The following PPFIA1 variants were observed in gnomAD, a reference collection of about 807,000 sequenced individuals.
The protein encoded by PPFIA1 is PPFI scaffold protein A1, also known as liprin-alpha-1.
In PPFIA1, 25 loss-of-function variants were observed where a neutral mutation model predicts 149.9. The observed-to-expected ratio is 0.17, with a 90% confidence interval of 0.12 to 0.23. The LOEUF is 0.23. Ranked by LOEUF, PPFIA1 falls within the 10% of genes least tolerant of loss-of-function variation. PPFIA1 has a pLI of 1.00. For missense variants in PPFIA1, 1,362 were observed against 1,506.5 expected, an observed-to-expected ratio of 0.90 and a Z score of 1.59; for synonymous variants, 549 against 552.8, an observed-to-expected ratio of 0.99 and a Z score of 0.10.
At chr11:70,375,196 A>AAC in intron 24 of PPFIA1, 103 bp downstream of exon 24, 1 of 419,940 alleles carries the variant, frequency 2.4e-6, no homozygotes. Flanking sequence ...AAAAAAAAAA[A>AAC]AAAAAACTTC....
At chr11:70,369,851 G>GT (rs2057136885) in intron 21 of PPFIA1, among the ~76,000 whole-genome samples, 1 of 152,048 alleles carries the variant, frequency 6.6e-6, no homozygotes, top group African/African-American at 2.4e-5. Context: ...TGCCCAGGCT[G>GT]GTCTCAGACA....
Position 70,342,936 on chromosome 11 carries a change from C to CTTTTTTTTTTT in PPFIA1, c.1708-714_1708-704dup, listed in dbSNP as rs71463672. The stretch of plus-strand genomic sequence containing the variant: ...TTGCAGCTATTTTGAAATGTACCAC[C>CTTTTTTTTTTT]TTTTTTTTTTTTTTTTTTTTTTTTT... On this transcript the variant is annotated intron_variant, in intron 14 of 27. Transcript: ENST00000253925. Among the ~76,000 whole-genome samples the CTTTTTTTTTTT allele has an allele frequency of 1.5e-4, 12 of 78,176 alleles. 3 individuals are homozygous for CTTTTTTTTTTT. Among genetic ancestry groups the CTTTTTTTTTTT allele is most frequent in the Non-Finnish European group, 2.6e-4 (11 of 42,084 alleles). The allele number at this position is 78,176 out of a possible 152,430, so 51.3% of individuals were successfully genotyped here. A position where few individuals can be genotyped will look rare whatever the true frequency, so the allele number is the denominator to read the frequency against.
At chr11:70,271,143 G>A (rs2050051814) in intron 1 of PPFIA1, 1 of 151,668 alleles carries the variant, frequency 6.6e-6, no homozygotes, top group South Asian at 2.1e-4. Flanking sequence ...CGAGCCCCGC[G>A]CCCCGTGACC....
At chr11:70,308,151 C>A (rs1041349330) in intron 2 of PPFIA1, among the ~76,000 whole-genome samples, 21 of 152,210 alleles carry the variant, frequency 1.4e-4, no homozygotes, top group African/African-American at 5.1e-4. Flanking sequence ...TGGGATCAAG[C>A]GATTCTCCTC....
intron 2 of PPFIA1, among the ~76,000 whole-genome samples, chr11:70,291,366 G>A (rs373479838): frequency 2.0e-5 from 3 of 152,202 alleles, no homozygotes; most frequent in African/African-American, 4.8e-5. Context: ...ATAGTGTGAC[G>A]TGGTATTTCT....
chr11:70,372,438 G>A, intron 22 of PPFIA1, 39 bp from the exon 23 acceptor site: 1 of 1,612,884 alleles, frequency 6.2e-7, no homozygotes, highest in Non-Finnish European at 8.5e-7. Context: ...ATTTTTCACT[G>A]TTACCATCTC....
chr11:70,275,985 C>T (rs2050359617), intron 2 of PPFIA1, among the ~76,000 whole-genome samples: 1 of 152,170 alleles, frequency 6.6e-6, no homozygotes, highest in Non-Finnish European at 1.5e-5. Flanking sequence ...AAAAATTCTC[C>T]TCTTCTTAGT....
intron 10 of PPFIA1, 56 bp from the exon 11 acceptor site, chr11:70,335,507 A>G: frequency 6.3e-7 from 1 of 1,593,340 alleles, no homozygotes; most frequent in Non-Finnish European, 8.6e-7. Flanking sequence ...TGTGCTTTTA[A>G]AATAATGATC....
intron 2 of PPFIA1, chr11:70,279,315 C>T: frequency 4.4e-6 from 1 of 226,290 alleles, no homozygotes; most frequent in Non-Finnish European, 8.7e-6. Flanking sequence ...TCTGCTGAAG[C>T]TCAAACAGGC....
In PPFIA1 at chr11:70,324,981, A is replaced by G. The variant is rs2054174937; in HGVS notation, c.501A>G (p.Leu167=). The change falls in exon 4 of 28, where the codon TTA becomes TTG. Residue 167 remains leucine (L), a synonymous_variant. Transcript: ENST00000253925. ...EVEVLKALKS[L]FEHHKALDEK... is the part of the protein sequence containing the mutation. ...AAGTGCTGAAAGCACTGAAGTCCTT[A>G]TTTGAACACCACAAAGCTCTGGATG... 2 of 1,613,082 alleles carry G rather than the reference A, an allele frequency of 1.2e-6. No individual in the cohort carries two copies. Among genetic ancestry groups the G allele is most frequent in the Non-Finnish European group, 1.7e-6 (2 of 1,179,792 alleles).
chr11:70,337,456 G>C, intron 12 of PPFIA1, 29 bp downstream of exon 12: 1 of 1,510,900 alleles, frequency 6.6e-7, no homozygotes, highest in Middle Eastern at 1.7e-4. Context: ...AATCCATGAA[G>C]AGCCAAGTTG....
At chr11:70,326,187 A>G in intron 5 of PPFIA1, 75 bp from the exon 6 acceptor site, 1 of 856,978 alleles carries the variant, frequency 1.2e-6, no homozygotes, top group South Asian at 1.7e-5. Context: ...TGTTTTTCCA[A>G]AAGGAGTTTT....
chr11:70,314,083 C>T lies in PPFIA1; in HGVS notation c.265-10319C>T, dbSNP rs138827628. On this transcript the variant is annotated intron_variant, in intron 2 of 27. Transcript: ENST00000253925. ...GGTAGGTGATTGAAGCCACGGACAC[C>T]GGCCGGATCAGGCAGGCACACTGCA... 6.0e-3 allele frequency among the ~76,000 whole-genome samples: 915 copies of T among 152,292 alleles called. 10 individuals are homozygous for T. The highest frequency in any genetic ancestry group is 0.02 in the African/African-American group (823 of 41,548).
At chr11:70,304,647 G>C (rs1442243156) in intron 2 of PPFIA1, among the ~76,000 whole-genome samples, 1 of 152,188 alleles carries the variant, frequency 6.6e-6, no homozygotes, top group Admixed American at 6.5e-5. Context: ...GCAAAGGACT[G>C]GGGGAGTGGT....
intron 10 of PPFIA1, 36 bp from the exon 11 acceptor site, chr11:70,335,527 C>T (rs370795889): frequency 2.5e-6 from 4 of 1,606,142 alleles, no homozygotes; most frequent in East Asian, 4.5e-5. Context: ...CGAGGATTTA[C>T]GTGAGGTTTA....
At position 70,281,894 on chromosome 11, in the gene PPFIA1, C is replaced by T. The variant is rs76740563; in HGVS notation, c.264+9458C>T. The stretch of plus-strand genomic sequence containing the variant: ...TGGGTTGCCGGGCTACAGGCCACCC[C>T]GCGTATCACTGAAACTGGAGCTGAA... On this transcript the variant is annotated intron_variant, in intron 2 of 27. Coordinates refer to ENST00000253925, the MANE Select transcript of PPFIA1 (RefSeq NM_003626.5). Among the ~76,000 whole-genome samples the T allele has an allele frequency of 4.4e-3, 668 of 152,294 alleles. 5 individuals carry two copies. Among genetic ancestry groups the T allele is most frequent in the African/African-American group, 0.015 (624 of 41,566 alleles).
chr11:70,284,945 G>A (rs760768868), intron 2 of PPFIA1, among the ~76,000 whole-genome samples: 50 of 152,076 alleles, frequency 3.3e-4, no homozygotes, highest in Admixed American at 5.9e-4. Context: ...TGCGTGCATC[G>A]TGGCCTCAGG....
At chr11:70,272,933 T>C (rs1196766792) in intron 2 of PPFIA1, among the ~76,000 whole-genome samples, 1 of 152,244 alleles carries the variant, frequency 6.6e-6, no homozygotes, top group Non-Finnish European at 1.5e-5. Context: ...TTTTAGGGGA[T>C]AGAAGACTCG....
chr11:70,320,092 A>G (rs1025032900), intron 2 of PPFIA1: 1 of 152,364 alleles, frequency 6.6e-6, no homozygotes, highest in East Asian at 1.9e-4. Context: ...AGCGGCCAGC[A>G]TAGACGAGAT....
Sources: gnomAD v4.1 joint callset for allele counts (sites outside exome capture counted in the v4.1 genomes callset) on GRCh38, gnomAD v4.1.1 for gene constraint, MANE v1.5 for transcripts, NCBI Gene and HGNC (gene_info 2026-07-23, HGNC 2026-07-21) for gene names.